Variants in FOCAD observed in about 807,000 individuals in gnomAD.
FOCAD encodes focadhesin, also known as KIAA1797.
Under a neutral mutation model 225.6 loss-of-function variants are expected in FOCAD, and 198 were observed. That is an observed-to-expected ratio of 0.88 (90% confidence interval 0.78 to 0.99). The LOEUF (loss-of-function observed/expected upper bound fraction) is 0.99. Ranked by LOEUF, FOCAD falls within the 50% of genes least tolerant of loss-of-function variation. The probability of loss-of-function intolerance (pLI) is 0.00; values close to 1 mark genes in which losing one functional copy is unlikely to be tolerated. For missense variants in FOCAD, 2,713 were observed against 2,123.6 expected (o/e 1.28, Z -5.46); for synonymous variants, 897 against 755.0 (o/e 1.19, Z -3.08).
At chr9:20,787,391 G>A (rs1370296900) in intron 10 of FOCAD, among the ~76,000 whole-genome samples, 1 of 152,064 alleles carries the variant, frequency 6.6e-6, no homozygotes, top group Non-Finnish European at 1.5e-5. Flanking sequence ...TTTTACAAAC[G>A]AGTAAAGAGA....
chr9:20,771,967 A>G (rs1003781946), intron 8 of FOCAD, among the ~76,000 whole-genome samples: 9 of 152,066 alleles, frequency 5.9e-5, no homozygotes, highest in East Asian at 3.9e-4. Flanking sequence ...ACCTCACTTA[A>G]CCTTAATGAC....
chr9:20,715,497 ATATTT>A, intron 2 of FOCAD, 87 bp downstream of exon 2: 2 of 556,626 alleles, frequency 3.6e-6, no homozygotes, highest in Non-Finnish European at 2.7e-6. Flanking sequence ...TTAATATTAA[ATATTT>A]TATTCTACAT....
chr9:20,740,646 T>C (rs981983322), intron 5 of FOCAD, among the ~76,000 whole-genome samples: 1 of 152,160 alleles, frequency 6.6e-6, no homozygotes, highest in East Asian at 1.9e-4. Context: ...ATTATGAAAA[T>C]GGAAGACTTC....
rs2131001071 is a variant in FOCAD at position 20,770,128 on chromosome 9, A to G, written c.796A>G (p.Thr266Ala). 1.2e-6 allele frequency: 2 copies of G among 1,614,098 alleles called. No individual in the cohort carries two copies. The highest frequency in any genetic ancestry group is 4.5e-5 in the East Asian group (2 of 44,882). Residue 266 changes from threonine (T) to alanine (A), a missense_variant, in exon 8 of 44, where the codon ACC becomes GCC. Coordinates refer to ENST00000338382, the MANE Select transcript of FOCAD (RefSeq NM_001375567.1). ...TCCTGTTTTCTGGAAAATTCAGCTTACCCAGATGAGTCTTCAGCTGCTGTG... is the reference window on the plus strand; with the variant it reads ...TCCTGTTTTCTGGAAAATTCAGCTTGCCCAGATGAGTCTTCAGCTGCTGTG... ...RHPVFWKIQL[T>A]QMSLQLLCVS...
At chr9:20,795,014 T>C (rs931903051) in intron 11 of FOCAD, among the ~76,000 whole-genome samples, 5 of 152,220 alleles carry the variant, frequency 3.3e-5, no homozygotes. Context: ...CAGAAAATTT[T>C]ATTAGTAATG....
chr9:20,756,288 G>A (rs1050113540), intron 5 of FOCAD, among the ~76,000 whole-genome samples: 5 of 152,112 alleles, frequency 3.3e-5, no homozygotes, highest in African/African-American at 1.2e-4. Flanking sequence ...TACATGATAG[G>A]TTAGGTGAGG....
At chr9:20,780,558 G>A (rs1251431937) in intron 9 of FOCAD, among the ~76,000 whole-genome samples, 1 of 152,040 alleles carries the variant, frequency 6.6e-6, no homozygotes, top group East Asian at 1.9e-4. Flanking sequence ...AGAACTGTGG[G>A]GAAAGAGTAT....
chr9:20,759,582 C>T (rs183730730), intron 6 of FOCAD, among the ~76,000 whole-genome samples: 1 of 152,028 alleles, frequency 6.6e-6, no homozygotes, highest in Non-Finnish European at 1.5e-5. Context: ...TAAAGACTTA[C>T]ATGTTAGACC....
At chr9:20,762,805 T>C (rs1197392325) in intron 6 of FOCAD, among the ~76,000 whole-genome samples, 1 of 134,890 alleles carries the variant, frequency 7.4e-6, no homozygotes, top group Non-Finnish European at 1.7e-5. Flanking sequence ...AGGAAAATTT[T>C]CAGCCCTTGC....
chr9:20,990,418 T>A (rs763431445), intron 42 of FOCAD, 44 bp downstream of exon 42: 3 of 1,602,340 alleles, frequency 1.9e-6, no homozygotes, highest in Non-Finnish European at 2.6e-6. Context: ...GCAGCCATTG[T>A]CTCTTCAGCA....
At chr9:20,947,165 T>C (rs1837262111) in intron 30 of FOCAD, among the ~76,000 whole-genome samples, 1 of 152,140 alleles carries the variant, frequency 6.6e-6, no homozygotes. Flanking sequence ...TGTGACGATA[T>C]GAATACATAG....
At chr9:20,994,981 T>TAC (rs1450838931) in intron 43 of FOCAD, among the ~76,000 whole-genome samples, 2 of 151,732 alleles carry the variant, frequency 1.3e-5, no homozygotes, top group East Asian at 1.9e-4. Flanking sequence ...TAAAATAAGA[T>TAC]ATAAAAAATT....
intron 2 of FOCAD, among the ~76,000 whole-genome samples, chr9:20,678,191 A>G (rs959758002): frequency 1.2e-4 from 18 of 152,192 alleles, no homozygotes; most frequent in African/African-American, 4.1e-4. Context: ...AATTTGGATT[A>G]TTTTTAGCAT....
chr9:20,836,962 A>C (rs1417272725), intron 15 of FOCAD, among the ~76,000 whole-genome samples: 2 of 152,090 alleles, frequency 1.3e-5, no homozygotes, highest in Non-Finnish European at 2.9e-5. Flanking sequence ...GAAAATTTTA[A>C]ATGGAGGCCT....
intron 11 of FOCAD, among the ~76,000 whole-genome samples, chr9:20,802,398 G>A (rs759602727): frequency 6.6e-6 from 1 of 152,030 alleles, no homozygotes; most frequent in Non-Finnish European, 1.5e-5. Context: ...CTTTTGAAGT[G>A]TCCTATAGTT....
At chr9:20,826,444 C>T (rs774515967) in intron 15 of FOCAD, among the ~76,000 whole-genome samples, 3 of 152,048 alleles carry the variant, frequency 2.0e-5, no homozygotes, top group Middle Eastern at 3.2e-3. Flanking sequence ...CTTTTGGCCA[C>T]GGATGAAGGC....
At chr9:20,777,701 A>G (rs1818903976) in intron 8 of FOCAD, among the ~76,000 whole-genome samples, 2 of 152,246 alleles carry the variant, frequency 1.3e-5, no homozygotes, top group Admixed American at 6.5e-5. Flanking sequence ...TATGCAAGTT[A>G]TATAGATGAA....
intron 11 of FOCAD, among the ~76,000 whole-genome samples, chr9:20,807,816 A>G (rs1227681424): frequency 1.3e-5 from 2 of 152,150 alleles, no homozygotes; most frequent in Non-Finnish European, 2.9e-5. Context: ...TTGGGAGGTG[A>G]AGGTGGGCGG....
intron 35 of FOCAD, among the ~76,000 whole-genome samples, chr9:20,972,050 A>G (rs1839812888): frequency 1.3e-5 from 2 of 152,262 alleles, no homozygotes; most frequent in Admixed American, 6.5e-5. Context: ...TAATGCTGCT[A>G]TGAACATGGG....
Sources: allele counts gnomAD v4.1 joint callset (sites outside exome capture counted in the v4.1 genomes callset), GRCh38; gene constraint gnomAD v4.1.1; transcripts MANE v1.5; gene names NCBI Gene and HGNC (gene_info 2026-07-23, HGNC 2026-07-21).